Variants in ZFYVE16 observed in about 807,000 individuals in gnomAD.
ZFYVE16 encodes the protein zinc finger FYVE domain-containing protein 16.
A neutral mutation model predicts 138.1 loss-of-function variants in ZFYVE16; 89 were observed. The observed-to-expected ratio is 0.64, with a 90% CI of 0.54 to 0.77. The LOEUF (loss-of-function observed/expected upper bound fraction) is 0.77, where lower values mean the gene tolerates loss of function less well. Among genes scored for constraint, ZFYVE16 ranks in the 30% least tolerant of loss-of-function variants. The probability of loss-of-function intolerance (pLI) is 0.00; values close to 1 mark genes in which losing one functional copy is unlikely to be tolerated. For missense variants in ZFYVE16, 1,793 were observed against 1,786.7 expected, an observed-to-expected ratio of 1.00 and a Z score of -0.06; for synonymous variants, 596 against 618.3, an observed-to-expected ratio of 0.96 and a Z score of 0.53.
intron 2 of ZFYVE16, among the ~76,000 whole-genome samples, chr5:80,432,588 G>A (rs903036927): frequency 3.3e-5 from 5 of 152,132 alleles, no homozygotes; most frequent in African/African-American, 1.2e-4. Context: ...TGACAAATGG[G>A]ATCAGATTAA....
intron 1 of ZFYVE16, among the ~76,000 whole-genome samples, chr5:80,418,989 T>C (rs1258462316): frequency 6.6e-6 from 1 of 152,092 alleles, no homozygotes; most frequent in Non-Finnish European, 1.5e-5. Flanking sequence ...TGTCCAGTTT[T>C]TTCAGCACCT....
chr5:80,435,718 G>T (rs557377824), intron 3 of ZFYVE16: 1 of 437,042 alleles, frequency 2.3e-6, no homozygotes, highest in Admixed American at 2.5e-5. Flanking sequence ...ACAAGTGTGC[G>T]CCAGCATGCC....
chr5:80,417,769 C>T (rs998933721), intron 1 of ZFYVE16, among the ~76,000 whole-genome samples: 5 of 152,064 alleles, frequency 3.3e-5, no homozygotes, highest in Admixed American at 2.0e-4. Context: ...TATGAATAAA[C>T]CTGTTTATAT....
intron 1 of ZFYVE16, among the ~76,000 whole-genome samples, chr5:80,414,031 A>AAT (rs1389072341): frequency 4.6e-5 from 7 of 152,168 alleles, no homozygotes; most frequent in Admixed American, 3.3e-4. Flanking sequence ...TAACTATGTA[A>AAT]ATATTGTATG....
intron 1 of ZFYVE16, among the ~76,000 whole-genome samples, chr5:80,417,046 AT>A (rs1025683017): frequency 2.0e-5 from 3 of 152,154 alleles, no homozygotes; most frequent in Admixed American, 2.0e-4. Flanking sequence ...AGATTATTTT[AT>A]CTTCCTCCCC....
intron 1 of ZFYVE16, among the ~76,000 whole-genome samples, chr5:80,425,912 T>C (rs1157000973): frequency 6.6e-6 from 1 of 152,194 alleles, no homozygotes; most frequent in Non-Finnish European, 1.5e-5. Flanking sequence ...GCCTAGTCTG[T>C]TTATTGCATT....
chr5:80,436,505 C>A (rs958455941), intron 3 of ZFYVE16, among the ~76,000 whole-genome samples: 1 of 152,114 alleles, frequency 6.6e-6, no homozygotes, highest in Admixed American at 6.6e-5. Flanking sequence ...GAGACAAGGT[C>A]CCTGCACTTG....
At chr5:80,439,538 A>G (rs1305893255) in intron 4 of ZFYVE16, among the ~76,000 whole-genome samples, 1 of 151,996 alleles carries the variant, frequency 6.6e-6, no homozygotes. Flanking sequence ...TTACATTTTT[A>G]TTCAGATTTT....
intron 15 of ZFYVE16, among the ~76,000 whole-genome samples, chr5:80,469,813 T>TA (rs1393293287): frequency 6.6e-6 from 1 of 151,724 alleles, no homozygotes; most frequent in Non-Finnish European, 1.5e-5. Flanking sequence ...TCCAATTATT[T>TA]TTTTTTTGCC....
At chr5:80,428,002 G>A (rs187617832) in intron 2 of ZFYVE16, among the ~76,000 whole-genome samples, 1,385 of 122,348 alleles carry the variant, frequency 0.011, 20 homozygotes, top group African/African-American at 0.034. Flanking sequence ...AAAAAGATGC[G>A]GTTCCAAGAT....
At position 80,437,780 on chromosome 5, in the gene ZFYVE16, T is replaced by C; in HGVS notation, c.1095T>C (p.His365=). Residue 365 remains histidine (H), a synonymous_variant, in exon 4 of 19, where the codon CAT becomes CAC. Coordinates refer to ENST00000505560, the MANE Select transcript of ZFYVE16 (RefSeq NM_001284236.3). ...TCCAAGATTCCTCTTCAGCTTTACA[T>C]GTTTCCAGTAAAGATGTGCCGTCCT... ...DVIQDSSSAL[H]VSSKDVPSSL... 1 of 1,614,130 alleles carries C rather than the reference T, an allele frequency of 6.2e-7. No individual in the cohort carries two copies. The highest frequency in any genetic ancestry group is 8.5e-7 in the Non-Finnish European group (1 of 1,179,980).
chr5:80,437,254 A>G lies in ZFYVE16; in HGVS notation c.569A>G (p.Asn190Ser). 1 of 1,613,776 alleles carries G rather than the reference A, an allele frequency of 6.2e-7. No individual in the cohort carries two copies. The highest frequency in any genetic ancestry group is 8.5e-7 in the Non-Finnish European group (1 of 1,179,820). The change falls in exon 4 of 19, where the codon AAT becomes AGT. Residue 190 changes from asparagine to serine, a missense_variant. This residue lies in a region of ZFYVE16 where 1,295 missense variants were observed against 1,204.3 expected (regional missense o/e 1.08). Transcript: ENST00000505560. Reference sequence around the variant, plus strand: ...AGTGATACTGTCAGAGAACAACAGAATGATATCAGTTCTGAATTACAAAAT... The same window carrying G: ...AGTGATACTGTCAGAGAACAACAGAGTGATATCAGTTCTGAATTACAAAAT... ...HDSDTVREQQ[N>S]DISSELQNRE...
chr5:80,416,303 T>C (rs921596800), intron 1 of ZFYVE16, among the ~76,000 whole-genome samples: 19 of 133,482 alleles, frequency 1.4e-4, no homozygotes, highest in African/African-American at 5.3e-4. Flanking sequence ...TTGCCCAGGC[T>C]GGAGTGCAGT....
At chr5:80,425,915 A>G (rs1469722957) in intron 1 of ZFYVE16, among the ~76,000 whole-genome samples, 1 of 152,120 alleles carries the variant, frequency 6.6e-6, no homozygotes. Context: ...TAGTCTGTTT[A>G]TTGCATTCGG....
Position 80,451,544 on chromosome 5 carries a change from G to T in ZFYVE16, c.3442G>T (p.Asp1148Tyr), listed in dbSNP as rs1554047435. ...TFTESFLSSK[D>Y]HGGFLFITPT... ...TACTGAGAGTTTTCTCAGTAGCAAG[G>T]ATCACGGAGGATTCCTGTTTATTAC... Residue 1148 changes from aspartate (D) to tyrosine (Y), a missense_variant, in exon 11 of 19, where the codon GAT becomes TAT. Physicochemically the swap from Asp to Tyr is radical, Grantham distance 160 (BLOSUM62 -3). Transcript: ENST00000505560. The T allele has an allele frequency of 6.2e-7, 1 of 1,613,818 alleles. No homozygotes were observed. Among genetic ancestry groups the T allele is most frequent in the Non-Finnish European group, 8.5e-7 (1 of 1,179,906 alleles).
At chr5:80,435,751 A>AT in intron 3 of ZFYVE16, 1 of 438,038 alleles carries the variant, frequency 2.3e-6, no homozygotes, top group Non-Finnish European at 4.6e-6. Context: ...AAATGTGTAT[A>AT]TTTTTTACAG....
At chr5:80,430,596 A>G (rs1663730286) in intron 2 of ZFYVE16, among the ~76,000 whole-genome samples, 3 of 152,066 alleles carry the variant, frequency 2.0e-5, no homozygotes. Context: ...ATCAGAGCAG[A>G]ACTGAAGGAG....
At position 80,464,699 on chromosome 5, in the gene ZFYVE16, C is replaced by T. The variant is rs375248994; in HGVS notation, c.4024+5205C>T. On this transcript the variant is annotated intron_variant, in intron 15 of 18. Transcript: ENST00000505560. ...TTTGAATCTTCTTTTTTCTTGGTTACTCTTGTAAAGTTTTGTCAATTATAT... is the reference window on the plus strand; with the variant it reads ...TTTGAATCTTCTTTTTTCTTGGTTATTCTTGTAAAGTTTTGTCAATTATAT... 2.6e-5 allele frequency among the ~76,000 whole-genome samples: 4 copies of T among 152,104 alleles called. No individual in the cohort carries two copies. In the South Asian group the frequency reaches 8.3e-4, roughly 32 times the overall value.
Position 80,427,481 on chromosome 5 carries a change from C to G in ZFYVE16, c.-93-11C>G, listed in dbSNP as rs890314377. The G allele has an allele frequency of 4.6e-5, 7 of 151,880 alleles. No individual in the cohort carries two copies. Among genetic ancestry groups the G allele is most frequent in the African/African-American group, 1.7e-4 (7 of 41,340 alleles). The allele number at this position is 151,880 out of a possible 1,614,324, so 9.4% of individuals were successfully genotyped here. A position where few individuals can be genotyped will look rare whatever the true frequency, so the allele number is the denominator to read the frequency against. On this transcript the variant is annotated splice_polypyrimidine_tract_variant and intron_variant, in intron 1 of 18. Transcript: ENST00000505560. ...TTGTCCTTTTGATATTATCCCATTA[C>G]TTATTGACAGATTCCTGTGAGGTTT... is the stretch of plus-strand genomic sequence containing the variant.
Sources: allele counts gnomAD v4.1 joint callset (sites outside exome capture counted in the v4.1 genomes callset), GRCh38; gene constraint gnomAD v4.1.1; regional missense constraint gnomAD v4.1.1; transcripts MANE v1.5; gene names NCBI Gene and HGNC (gene_info 2026-07-23, HGNC 2026-07-21).